Variants in RBFOX1 observed in about 807,000 individuals in gnomAD.
RBFOX1 encodes RNA binding protein fox-1 homolog 1.
Under a neutral mutation model 57.7 loss-of-function variants are expected in RBFOX1, and 8 were observed. The observed-to-expected ratio is 0.14, with a 90% CI of 0.08 to 0.25. The LOEUF is 0.25. Among genes scored for constraint, RBFOX1 ranks in the 10% least tolerant of loss-of-function variants. RBFOX1 has a pLI of 1.00. For missense variants in RBFOX1, 611 were observed against 548.5 expected (o/e 1.11, Z -1.14); for synonymous variants, 326 against 222.4 (o/e 1.47, Z -4.15).
chr16:5,399,577 C>A (rs1257089841), intron 1 of RBFOX1, among the ~76,000 whole-genome samples: 1 of 151,762 alleles, frequency 6.6e-6, no homozygotes, highest in African/African-American at 2.4e-5. Flanking sequence ...TGCAAAAAAT[C>A]CAAAAATTAG....
rs777230714 is a variant in RBFOX1, at chr16:6,700,707, C to G, written c.-16+46057C>G. Among the ~76,000 whole-genome samples the G allele has an allele frequency of 3.3e-4, 50 of 152,204 alleles. 1 individual carries two copies. Among genetic ancestry groups the G allele is most frequent in the Non-Finnish European group, 7.1e-4 (48 of 68,022 alleles). On this transcript the variant is annotated intron_variant, in intron 3 of 15. Coordinates refer to ENST00000550418, the MANE Select transcript of RBFOX1 (RefSeq NM_018723.4). ...TTTTAAAAATTACCATAAGTAGATT[C>G]GTGAAACCGAGTCACCTGGTAAGAC...
At chr16:7,705,716 CATGTAA>C (rs2082221572) in intron 14 of RBFOX1, among the ~76,000 whole-genome samples, 2 of 152,034 alleles carry the variant, frequency 1.3e-5, no homozygotes, top group South Asian at 4.2e-4. Flanking sequence ...AGATTTGATA[CATGTAA>C]ATAGCTGCTG....
At chr16:7,287,365 A>C (rs796469914) in intron 4 of RBFOX1, among the ~76,000 whole-genome samples, 1 of 152,172 alleles carries the variant, frequency 6.6e-6, no homozygotes, top group South Asian at 2.1e-4. Flanking sequence ...TTAGGATTCC[A>C]TGGAGAGCAG....
chr16:6,195,845 C>T (rs1219462595), intron 1 of RBFOX1, among the ~76,000 whole-genome samples: 1 of 152,042 alleles, frequency 6.6e-6, no homozygotes, highest in Admixed American at 6.6e-5. Flanking sequence ...TAAGAGCCTT[C>T]AAAGGGCCAG....
chr16:6,353,284 C>G (rs773681579), intron 2 of RBFOX1, among the ~76,000 whole-genome samples: 1 of 151,996 alleles, frequency 6.6e-6, no homozygotes, highest in Non-Finnish European at 1.5e-5. Context: ...GTTTGAGAAC[C>G]TAATCTTCCA....
intron 1 of RBFOX1, among the ~76,000 whole-genome samples, chr16:6,027,928 C>T (rs971710440): frequency 2.0e-5 from 3 of 152,152 alleles, no homozygotes; most frequent in African/African-American, 7.2e-5. Context: ...TGACAGCAGC[C>T]ATATGCATGG....
At chr16:7,588,886 C>G (rs2094284156) in intron 7 of RBFOX1, among the ~76,000 whole-genome samples, 1 of 152,288 alleles carries the variant, frequency 6.6e-6, no homozygotes, top group South Asian at 2.1e-4. Flanking sequence ...ATTTTCTCCT[C>G]CATGGCCAGA....
chr16:5,350,740 C>A (rs2065244718), intron 1 of RBFOX1, among the ~76,000 whole-genome samples: 1 of 152,162 alleles, frequency 6.6e-6, no homozygotes, highest in African/African-American at 2.4e-5. Context: ...GTAGTGGGCG[C>A]CTGTAACCCC....
At chr16:5,714,988 C>G (rs565265817) in intron 3 of RBFOX1, among the ~76,000 whole-genome samples, 4 of 152,094 alleles carry the variant, frequency 2.6e-5, no homozygotes, top group Non-Finnish European at 4.4e-5. Context: ...TGAATAAACC[C>G]GAAGCAGATT....
intron 2 of RBFOX1, among the ~76,000 whole-genome samples, chr16:5,479,828 G>C (rs1303021462): frequency 2.0e-5 from 3 of 151,254 alleles, no homozygotes; most frequent in Admixed American, 1.3e-4. Flanking sequence ...CGTGTCCTTG[G>C]ACTTCTTAAA....
chr16:6,960,588 A>C (rs1016275662), intron 3 of RBFOX1, among the ~76,000 whole-genome samples: 1 of 151,714 alleles, frequency 6.6e-6, no homozygotes, highest in African/African-American at 2.4e-5. Flanking sequence ...CCTCCTTCCA[A>C]ACTCTGCAGA....
At chr16:7,534,086 CTTTTTTTT>C (rs529708813) in intron 5 of RBFOX1, among the ~76,000 whole-genome samples, 27 of 129,924 alleles carry the variant, frequency 2.1e-4, no homozygotes, top group Non-Finnish European at 3.3e-4. Flanking sequence ...CGTTTTTTTT[CTTTTTTTT>C]TTTTTTTTGG....
intron 3 of RBFOX1, among the ~76,000 whole-genome samples, chr16:5,772,516 C>T (rs539428257): frequency 1.3e-5 from 2 of 152,114 alleles, no homozygotes; most frequent in Non-Finnish European, 2.9e-5. Flanking sequence ...ATTATATGAC[C>T]ATAAACCTTA....
chr16:6,556,889 C>G (rs1292929775), intron 2 of RBFOX1, among the ~76,000 whole-genome samples: 1 of 151,506 alleles, frequency 6.6e-6, no homozygotes. Context: ...GAGGAGATTT[C>G]ACTTAACTGG....
intron 1 of RBFOX1, among the ~76,000 whole-genome samples, chr16:5,301,630 A>AAAC (rs2063807954): frequency 2.0e-5 from 3 of 150,714 alleles, no homozygotes; most frequent in Admixed American, 1.3e-4. Flanking sequence ...AAAAAAAAAA[A>AAAC]AAAAAAAACA....
intron 3 of RBFOX1, among the ~76,000 whole-genome samples, chr16:6,666,662 C>T (rs1022214400): frequency 6.6e-6 from 1 of 152,090 alleles, no homozygotes; most frequent in Non-Finnish European, 1.5e-5. Flanking sequence ...CTGCCTCTTC[C>T]AAGCATGCTT....
chr16:5,420,736 A>G (rs1049191024), intron 1 of RBFOX1, among the ~76,000 whole-genome samples: 2 of 151,856 alleles, frequency 1.3e-5, no homozygotes, highest in Non-Finnish European at 2.9e-5. Context: ...GGGTTTCACC[A>G]TGTTGCCCAG....
chr16:7,409,274 C>T (rs1239809986), intron 4 of RBFOX1, among the ~76,000 whole-genome samples: 2 of 152,198 alleles, frequency 1.3e-5, no homozygotes, highest in Non-Finnish European at 2.9e-5. Context: ...GAGCTTTGTC[C>T]GATCTGCCTG....
chr16:5,723,290 C>G (rs1050646456), intron 3 of RBFOX1, among the ~76,000 whole-genome samples: 1 of 152,192 alleles, frequency 6.6e-6, no homozygotes, highest in Non-Finnish European at 1.5e-5. Context: ...TCTCATTCGT[C>G]TGCCATTGGA....
Sources: gnomAD v4.1 joint callset for allele counts (sites outside exome capture counted in the v4.1 genomes callset) on GRCh38, gnomAD v4.1.1 for gene constraint, MANE v1.5 for transcripts, NCBI Gene and HGNC (gene_info 2026-07-23, HGNC 2026-07-21) for gene names.